The following HAVCR1 variants were observed in gnomAD, a reference collection of about 807,000 sequenced individuals.
HAVCR1 encodes the protein T cell immunoglobin domain and mucin domain protein 1.
In HAVCR1, 34 loss-of-function variants were observed where a neutral mutation model predicts 32.0. That is an observed-to-expected ratio of 1.06 (90% CI 0.81 to 1.42). The LOEUF (loss-of-function observed/expected upper bound fraction) is 1.42, where lower values mean the gene tolerates loss of function less well. HAVCR1 is among the 40% of genes most tolerant of loss of function. HAVCR1 has a pLI of 0.00. For synonymous variants in HAVCR1, 178 were observed against 170.3 expected (o/e 1.05, Z -0.35); for missense variants, 420 against 442.3 (o/e 0.95, Z 0.45).
the HAVCR1 span, among the ~76,000 whole-genome samples, chr5:157,065,645 A>G: frequency 1.3e-5 from 2 of 152,188 alleles, no homozygotes; most frequent in African/African-American, 4.8e-5. Context: ...ACTTGAGGTC[A>G]GGAGTTCCAG....
rs184871901 is a variant in HAVCR1, at chr5:157,041,455, G to T, written c.837+1172C>A. Among the ~76,000 whole-genome samples the T allele has an allele frequency of 2.1e-4, 31 of 150,712 alleles. No individual in the cohort carries two copies. In the East Asian group the frequency reaches 5.9e-3, roughly 29 times the overall value. ...GGAGGTTGCAGTGAGCTGGGATCCC[G>T]CCAGTGCACTCCAGCCTGGGTGACA... On this transcript the variant is annotated intron_variant, in intron 6 of 8. Coordinates refer to ENST00000523175, the MANE Select transcript of HAVCR1 (RefSeq NM_001173393.3).
In HAVCR1 at chr5:157,039,765, C is replaced by A. The variant is rs574223308; in HGVS notation, c.838-2404G>T. On this transcript the variant is annotated intron_variant, in intron 6 of 8. Coordinates refer to ENST00000523175, the MANE Select transcript of HAVCR1 (RefSeq NM_001173393.3). ...ATTATAAGTGTTAACAATGAACATC[C>A]TTCTCATACATTTTTATTTATTAGT... Among the ~76,000 whole-genome samples, 14 of 152,230 alleles carry A rather than the reference C, an allele frequency of 9.2e-5. No individual in the cohort carries two copies. The South Asian group carries it at 2.9e-3, about 32-fold the overall frequency.
intron 8 of HAVCR1, among the ~76,000 whole-genome samples, chr5:157,032,484 C>A (rs1423172700): frequency 6.6e-6 from 1 of 152,224 alleles, no homozygotes; most frequent in Non-Finnish European, 1.5e-5. Context: ...TGCCATTGCA[C>A]TCCAGCCAGG....
At chr5:157,032,765 T>C in intron 8 of HAVCR1, 89 bp downstream of exon 8, 1 of 803,244 alleles carries the variant, frequency 1.2e-6, no homozygotes, top group Non-Finnish European at 2.2e-6. Flanking sequence ...AGGTATGCGA[T>C]GGAGAGTTTA....
In HAVCR1 at chr5:157,029,669, GTGC is replaced by G; in HGVS notation, c.*61_*63del. ...TCTTGGGGTCTAAAAGACGTCTGAT[GTGC>G]TGATGTCTGTTCAGTCTTCTGCACT... On this transcript the variant is annotated 3_prime_UTR_variant, in exon 9 of 9. Coordinates refer to ENST00000523175, the MANE Select transcript of HAVCR1 (RefSeq NM_001173393.3). 1 of 1,607,058 alleles carries G rather than the reference GTGC, an allele frequency of 6.2e-7. No individual in the cohort carries two copies. The highest frequency in any genetic ancestry group is 1.3e-5 in the African/African-American group (1 of 74,946).
At chr5:157,036,434 G>A (rs1000034514) in intron 7 of HAVCR1, among the ~76,000 whole-genome samples, 2 of 152,144 alleles carry the variant, frequency 1.3e-5, no homozygotes, top group South Asian at 2.1e-4. Context: ...AGCCACGATC[G>A]TGCCATTGCA....
Position 157,044,471 on chromosome 5 carries a change from G to GAAA in HAVCR1, c.782-1790_782-1789insTTT, listed in dbSNP as rs1561590418. Among the ~76,000 whole-genome samples, 145 of 45,692 alleles carry GAAA rather than the reference G, an allele frequency of 3.2e-3. 2 individuals carry two copies. The highest frequency in any genetic ancestry group is 7.8e-3 in the African/African-American group (75 of 9,592). The allele number at this position is 45,692 out of a possible 152,430, so 30.0% of individuals were successfully genotyped here. ...AGAAAGAAAGAAAGAAAGAAAGAAA[G>GAAA]GAAGGAAGGAAGGAAGGAAGGAAGG... On this transcript the variant is annotated intron_variant, in intron 5 of 8. Transcript: ENST00000523175.
chr5:157,044,599 GAA>G (rs1418679194), intron 5 of HAVCR1, among the ~76,000 whole-genome samples: 14 of 78,756 alleles, frequency 1.8e-4, no homozygotes, highest in African/African-American at 1.0e-3. Context: ...AAGAAAGAAA[GAA>G]AGAAAGAAAG....
chr5:157,054,190 C>CAAAAAAA (rs900551230), intron 3 of HAVCR1, among the ~76,000 whole-genome samples: 2 of 42,202 alleles, frequency 4.7e-5, no homozygotes, highest in Non-Finnish European at 4.8e-5. Context: ...GACTCCATCT[C>CAAAAAAA]AAAAAAAAAA....
At chr5:157,033,045 G>C (rs189097669) in intron 7 of HAVCR1, among the ~76,000 whole-genome samples, 158 bp from the exon 8 acceptor site, 4 of 152,076 alleles carry the variant, frequency 2.6e-5, no homozygotes, top group Non-Finnish European at 4.4e-5. Context: ...TTTTGATTCT[G>C]CAGGACCCAA....
At chr5:157,033,411 C>A (rs543297747) in intron 7 of HAVCR1, among the ~76,000 whole-genome samples, 2 of 152,186 alleles carry the variant, frequency 1.3e-5, no homozygotes, top group South Asian at 4.2e-4. Flanking sequence ...CTCAAATAGG[C>A]TTCTTTGGAA....
chr5:157,036,214 C>T (rs957656777), intron 7 of HAVCR1, among the ~76,000 whole-genome samples: 2 of 151,902 alleles, frequency 1.3e-5, no homozygotes, highest in Non-Finnish European at 2.9e-5. Context: ...CGTGGTGGCT[C>T]ATGCCTGTAA....
chr5:157,049,920 C>A (rs1041528946), intron 4 of HAVCR1, among the ~76,000 whole-genome samples: 3 of 152,214 alleles, frequency 2.0e-5, no homozygotes, highest in East Asian at 1.9e-4. Flanking sequence ...CCTTTCCTTT[C>A]CTGAAATCCC....
At position 157,047,018 on chromosome 5, in the gene HAVCR1, G is replaced by A. The variant is rs1755440501; in HGVS notation, c.781+2020C>T. Among the ~76,000 whole-genome samples, 3 of 152,138 alleles carry A rather than the reference G, an allele frequency of 2.0e-5. No individual in the cohort carries two copies. In the South Asian group the frequency reaches 6.2e-4, roughly 31 times the overall value. ...ATACATACATATATAGATAGATAGA[G>A]GTCTGTGCATGGTTCCTGGCTCATA... On this transcript the variant is annotated intron_variant, in intron 5 of 8. Coordinates refer to ENST00000523175, the MANE Select transcript of HAVCR1 (RefSeq NM_001173393.3).
In HAVCR1 at chr5:157,049,161, T is replaced by A; in HGVS notation, c.674-16A>T. ...GAAGTGGCTACTGGAATGAAAAGAATGGAAGAATTGTTCCATTTGTGGAGG... is the reference window on the plus strand; with the variant it reads ...GAAGTGGCTACTGGAATGAAAAGAAAGGAAGAATTGTTCCATTTGTGGAGG... On this transcript the variant is annotated splice_polypyrimidine_tract_variant and intron_variant, in intron 4 of 8. Coordinates refer to ENST00000523175, the MANE Select transcript of HAVCR1 (RefSeq NM_001173393.3). The A allele has an allele frequency of 6.8e-7, 1 of 1,472,202 alleles. No homozygotes were observed. The highest frequency in any genetic ancestry group is 9.5e-7 in the Non-Finnish European group (1 of 1,050,720). 91.2% of individuals were successfully genotyped at this position (1,472,202 alleles called of 1,614,324 possible). A position where few individuals can be genotyped will look rare whatever the true frequency, so the allele number is the denominator to read the frequency against.
the HAVCR1 span, among the ~76,000 whole-genome samples, chr5:157,068,996 A>G: frequency 2.0e-5 from 3 of 152,224 alleles, no homozygotes; most frequent in Non-Finnish European, 4.4e-5. Flanking sequence ...CCCATCTTAC[A>G]GATAAGGAGA....
intron 7 of HAVCR1, among the ~76,000 whole-genome samples, chr5:157,034,576 C>T (rs1311685468): frequency 6.6e-6 from 1 of 151,332 alleles, no homozygotes; most frequent in Admixed American, 6.6e-5. Context: ...TTACGGGTGT[C>T]GGGCTCGGGG....
intron 5 of HAVCR1, among the ~76,000 whole-genome samples, chr5:157,044,626 AAAGAAAGAAAG>A (rs1755226196): frequency 1.7e-5 from 1 of 59,798 alleles, no homozygotes; most frequent in Non-Finnish European, 3.6e-5. Flanking sequence ...AGAAAGAAAG[AAAGAAAGAAAG>A]AAAGAAAGAA....
At chr5:157,055,658 G>A (rs870581) in intron 2 of HAVCR1, 125 bp from the exon 3 acceptor site, 214,011 of 577,768 alleles carry the variant, frequency 0.37, 44,582 homozygotes, top group East Asian at 0.71. Context: ...CCCAGGTCAG[G>A]AGTTCAAGAC....
Sources: gnomAD v4.1 joint callset for allele counts (sites outside exome capture counted in the v4.1 genomes callset) on GRCh38, gnomAD v4.1.1 for gene constraint, MANE v1.5 for transcripts, NCBI Gene and HGNC (gene_info 2026-07-23, HGNC 2026-07-21) for gene names.